The following RPS6KA6 variants were observed in gnomAD, a reference collection of about 807,000 sequenced individuals.
The protein encoded by RPS6KA6 is ribosomal protein S6 kinase A6, also known as ribosomal protein S6 kinase alpha-6.
In RPS6KA6, 27 loss-of-function variants were observed where a neutral mutation model predicts 65.4. The ratio of observed to expected loss-of-function variants is 0.41; its 90% CI spans 0.30 to 0.57. RPS6KA6 has a LOEUF of 0.57. RPS6KA6 is among the 20% of genes least tolerant of loss of function. The pLI is 0.24. For missense variants in RPS6KA6, 486 were observed against 555.6 expected (o/e 0.87, Z 1.26); for synonymous variants, 190 against 184.2 (o/e 1.03, Z -0.26).
At position 84,129,698 on chromosome X, in the gene RPS6KA6, G is replaced by GCATTA. The variant is rs2034861276; in HGVS notation, c.646+5083_646+5084insTAATG. ...AGAGTAAGAACCTGTCATCTGCATTGTGAGTGGAACTGGAGGTCACTGTGT... is the reference window on the plus strand; with the variant it reads ...AGAGTAAGAACCTGTCATCTGCATTGCATTATGAGTGGAACTGGAGGTCACTGTGT... On this transcript the variant is annotated intron_variant, in intron 8 of 21. Coordinates refer to ENST00000262752, the MANE Select transcript of RPS6KA6 (RefSeq NM_014496.5). Among the ~76,000 whole-genome samples, 8 of 111,634 alleles carry GCATTA rather than the reference G, an allele frequency of 7.2e-5. No homozygotes were observed. The South Asian group carries it at 3.0e-3, about 42-fold the overall frequency.
chrX:84,132,676 T>A (rs1602441445), intron 8 of RPS6KA6, among the ~76,000 whole-genome samples: 1 of 108,441 alleles, frequency 9.2e-6, no homozygotes, highest in Non-Finnish European at 1.9e-5. Flanking sequence ...TATAATATAA[T>A]AATATATAAT....
Position 84,063,233 on chromosome X carries a change from T to C in RPS6KA6, c.*1044A>G, listed in dbSNP as rs536825254. On this transcript the variant is annotated 3_prime_UTR_variant, in exon 22 of 22. Coordinates refer to ENST00000262752, the MANE Select transcript of RPS6KA6 (RefSeq NM_014496.5). ...TTGTCTAAAGTTTACTGTAATACAATATACTATATCATGTGTGCTATATGC... is the reference window on the plus strand; with the variant it reads ...TTGTCTAAAGTTTACTGTAATACAACATACTATATCATGTGTGCTATATGC... 1.8e-5 allele frequency: 2 copies of C among 111,738 alleles called. No homozygotes were observed. Among genetic ancestry groups the C allele is most frequent in the African/African-American group, 6.5e-5 (2 of 30,869 alleles). 9.2% of individuals were successfully genotyped at this position (111,738 alleles called of 1,213,427 possible).
chrX:84,089,877 C>T (rs772215394), intron 20 of RPS6KA6, among the ~76,000 whole-genome samples: 1 of 112,215 alleles, frequency 8.9e-6, no homozygotes. Context: ...CTGTGGACTG[C>T]ACCTACTTAT....
chrX:84,110,060 A>C, intron 12 of RPS6KA6, among the ~76,000 whole-genome samples: 1 of 111,622 alleles, frequency 9.0e-6, no homozygotes, highest in East Asian at 2.9e-4. Flanking sequence ...GTGAGTCACA[A>C]AGCTGTGTGT....
rs373276926 is a variant in RPS6KA6, at chrX:84,148,141, A to C, written c.259-18T>G. 7.4e-6 allele frequency: 4 copies of C among 542,739 alleles called. No individual in the cohort carries two copies. The highest frequency in any genetic ancestry group is 4.9e-5 in the South Asian group (1 of 20,600). 44.7% of individuals were successfully genotyped at this position (542,739 alleles called of 1,213,427 possible). On this transcript the variant is annotated intron_variant, in intron 3 of 21. Coordinates refer to ENST00000262752, the MANE Select transcript of RPS6KA6 (RefSeq NM_014496.5). ...AGAAAAACCTAATAGAAAATTGAAC[A>C]AAAAAAAAAAGGAAAATTCACATTT...
intron 18 of RPS6KA6, among the ~76,000 whole-genome samples, chrX:84,099,502 G>A (rs772197771): frequency 9.0e-6 from 1 of 111,128 alleles, no homozygotes; most frequent in South Asian, 3.7e-4. Context: ...CATACACAGA[G>A]CTCCTCATTC....
chrX:84,110,229 T>A (rs755267414), intron 12 of RPS6KA6, among the ~76,000 whole-genome samples: 2 of 111,738 alleles, frequency 1.8e-5, no homozygotes, highest in East Asian at 5.7e-4. Flanking sequence ...AAATAGAACA[T>A]ATTGCTACCT....
intron 1 of RPS6KA6, among the ~76,000 whole-genome samples, chrX:84,187,616 A>G (rs1038350958): frequency 8.9e-6 from 1 of 112,052 alleles, no homozygotes; most frequent in Non-Finnish European, 1.9e-5. Context: ...GCCCGGGCCC[A>G]GGCTGCACTC....
At chrX:84,071,187 A>G (rs1331000475) in intron 20 of RPS6KA6, among the ~76,000 whole-genome samples, 1 of 110,822 alleles carries the variant, frequency 9.0e-6, no homozygotes. Context: ...GGGTGTGAGG[A>G]GCAGAGAGAG....
At chrX:84,149,457 G>C (rs1328716280) in intron 3 of RPS6KA6, among the ~76,000 whole-genome samples, 1 of 111,871 alleles carries the variant, frequency 8.9e-6, no homozygotes, top group Non-Finnish European at 1.9e-5. Context: ...CTTACAAAAT[G>C]TATTTCTTAA....
intron 3 of RPS6KA6, among the ~76,000 whole-genome samples, chrX:84,150,869 T>C (rs981530254): frequency 1.7e-4 from 17 of 99,524 alleles, no homozygotes; most frequent in Non-Finnish European, 3.0e-4. Context: ...AGAGGATATA[T>C]ATAGGATATA....
chrX:84,159,160 C>A (rs929046737), intron 2 of RPS6KA6, among the ~76,000 whole-genome samples: 1 of 110,602 alleles, frequency 9.0e-6, no homozygotes, highest in Non-Finnish European at 1.9e-5. Flanking sequence ...GTATGTGATA[C>A]CCTCCTGTGT....
At chrX:84,180,063 C>T (rs187468652) in intron 1 of RPS6KA6, among the ~76,000 whole-genome samples, 171 of 111,684 alleles carry the variant, frequency 1.5e-3, no homozygotes, top group Non-Finnish European at 2.7e-3. Context: ...TCATTTGAAA[C>T]CTGACATTCA....
At position 84,074,445 on chromosome X, in the gene RPS6KA6, G is replaced by A. The variant is rs1258307009; in HGVS notation, c.1972-9334C>T. ...TAGGAGAAGTAAGTTCTGGTGCTCT[G>A]TTGCAGAGTAGAGTAAATATAAATA... On this transcript the variant is annotated intron_variant, in intron 20 of 21. Transcript: ENST00000262752. Among the ~76,000 whole-genome samples the A allele has an allele frequency of 3.6e-5, 4 of 111,441 alleles. No homozygotes were observed. The East Asian group carries it at 1.1e-3, about 32-fold the overall frequency.
intron 1 of RPS6KA6, 58 bp downstream of exon 1, chrX:84,187,761 G>C: frequency 1.8e-6 from 2 of 1,089,428 alleles, no homozygotes; most frequent in Admixed American, 4.8e-5. Context: ...CCCCAGCCAA[G>C]GTCTTGAGGG....
At chrX:84,146,017 T>C (rs1171911865) in intron 5 of RPS6KA6, among the ~76,000 whole-genome samples, 1 of 111,536 alleles carries the variant, frequency 9.0e-6, no homozygotes, top group African/African-American at 3.2e-5. Flanking sequence ...ACCTCCTTAA[T>C]AGTACTTATT....
intron 1 of RPS6KA6, among the ~76,000 whole-genome samples, chrX:84,170,692 CA>C (rs2035670267): frequency 9.0e-6 from 1 of 110,541 alleles, no homozygotes; most frequent in Non-Finnish European, 1.9e-5. Flanking sequence ...AAGCCCAGGA[CA>C]AAATAAAACA....
At chrX:84,085,441 T>C (rs1044313364) in intron 20 of RPS6KA6, among the ~76,000 whole-genome samples, 1 of 111,430 alleles carries the variant, frequency 9.0e-6, no homozygotes, top group African/African-American at 3.3e-5. Flanking sequence ...GAGATAATTG[T>C]GGTTTTTGTC....
intron 9 of RPS6KA6, among the ~76,000 whole-genome samples, chrX:84,119,071 C>T (rs938928655): frequency 5.4e-5 from 6 of 111,842 alleles, no homozygotes; most frequent in Non-Finnish European, 1.1e-4. Context: ...AATTTAAGTT[C>T]CAACTCTTTC....
Sources: allele counts gnomAD v4.1 joint callset (sites outside exome capture counted in the v4.1 genomes callset), GRCh38; gene constraint gnomAD v4.1.1; transcripts MANE v1.5; gene names NCBI Gene and HGNC (gene_info 2026-07-23, HGNC 2026-07-21).